CCDC190: variants seen among roughly 807,000 people sequenced by gnomAD.
CCDC190 encodes the protein coiled-coil domain-containing protein 190.
CCDC190 carries 10 observed loss-of-function variants against 13.1 expected under a neutral mutation model. The observed-to-expected ratio is 0.77, with a 90% CI of 0.47 to 1.30. The LOEUF (loss-of-function observed/expected upper bound fraction) is 1.30, where lower values mean the gene tolerates loss of function less well. CCDC190 is among the 50% of genes most tolerant of loss of function. The pLI is 0.00. For synonymous variants in CCDC190, 136 were observed against 127.2 expected, an observed-to-expected ratio of 1.07 and a Z score of -0.47; for missense variants, 375 against 354.3, an observed-to-expected ratio of 1.06 and a Z score of -0.47.
In CCDC190 at chr1:162,859,638, C is replaced by G. The variant is rs374467491; in HGVS notation, c.9G>C (p.Arg3Ser). The G allele has an allele frequency of 1.9e-6, 3 of 1,613,002 alleles. No individual in the cohort carries two copies. Among genetic ancestry groups the G allele is most frequent in the Non-Finnish European group, 2.5e-6 (3 of 1,179,472 alleles). ...TATACAATTGTCCCCTGACCATGTGCCTCTCCATCTTCTTTATGGTCTAGA... is the reference window on the plus strand; with the variant it reads ...TATACAATTGTCCCCTGACCATGTGGCTCTCCATCTTCTTTATGGTCTAGA... MERHMVRGQLYKH... is the reference protein window; with the variant it reads MESHMVRGQLYKH... Residue 3 changes from arginine (R) to serine (S), a missense_variant, in exon 2 of 4, where the codon AGG (arginine) becomes AGC (serine). Physicochemically the swap from Arg to Ser is moderately radical, Grantham distance 110 (BLOSUM62 -1). Coordinates refer to ENST00000367912, the MANE Select transcript of CCDC190 (RefSeq NM_001394065.1).
rs371986435 is a variant in CCDC190 at position 162,859,622 on chromosome 1, G to T, written c.25C>A (p.Gln9Lys). Residue 9 changes from glutamine (Q) to lysine (K), a missense_variant, in exon 2 of 4, where the codon CAA (glutamine) becomes AAA (lysine). By Grantham distance (53) the Gln-to-Lys change is moderately conservative. Transcript: ENST00000367912. MERHMVRG[Q>K]LYKHFDLERK... ...TCCAAATCAAAATGCTTATACAATT[G>T]TCCCCTGACCATGTGCCTCTCCATC... The T allele has an allele frequency of 1.9e-6, 3 of 1,613,606 alleles. No homozygotes were observed. The highest frequency in any genetic ancestry group is 2.7e-5 in the African/African-American group (2 of 74,884).
chr1:162,861,018 A>G lies in CCDC190; in HGVS notation c.-23T>C, dbSNP rs1303010277. ...GCCAGTAGAACTTACCTCCAAATCCAGAGTTTTCACCATGAGACTATGTCT... is the reference window on the plus strand; with the variant it reads ...GCCAGTAGAACTTACCTCCAAATCCGGAGTTTTCACCATGAGACTATGTCT... On this transcript the variant is annotated 5_prime_UTR_variant, in exon 1 of 4. Coordinates refer to ENST00000367912, the MANE Select transcript of CCDC190 (RefSeq NM_001394065.1). 1 of 984,914 alleles carries G rather than the reference A, an allele frequency of 1.0e-6. No homozygotes were observed. Among genetic ancestry groups the G allele is most frequent in the African/African-American group, 1.7e-5 (1 of 57,250 alleles). The allele number at this position is 984,914 out of a possible 1,614,324, so 61.0% of individuals were successfully genotyped here.
intron 2 of CCDC190, among the ~76,000 whole-genome samples, chr1:162,857,989 A>G (rs974900613): frequency 6.6e-6 from 1 of 152,244 alleles, no homozygotes; most frequent in African/African-American, 2.4e-5. Flanking sequence ...AAGGACTGGC[A>G]ACATGCATCT....
chr1:162,866,187 A>C (rs1220261260), intron 1 of CCDC190, among the ~76,000 whole-genome samples: 1 of 152,202 alleles, frequency 6.6e-6, no homozygotes, highest in Non-Finnish European at 1.5e-5. Context: ...TAGGCCAGGC[A>C]TGGTGGCTCA....
chr1:162,854,501 T>C lies in CCDC190; in HGVS notation c.*264A>G. 8.4e-7 allele frequency: 1 copy of C among 1,196,868 alleles called. No homozygotes were observed. Among genetic ancestry groups the C allele is most frequent in the South Asian group, 2.8e-5 (1 of 35,916 alleles). The allele number at this position is 1,196,868 out of a possible 1,614,324, so 74.1% of individuals were successfully genotyped here. Reference sequence around the variant, plus strand: ...GTTACTGTTTTCCCAAGTCCAGTCATCAATATATATTCATATTTTTGATGA... The same window carrying C: ...GTTACTGTTTTCCCAAGTCCAGTCACCAATATATATTCATATTTTTGATGA... On this transcript the variant is annotated 3_prime_UTR_variant, in exon 4 of 4. Coordinates refer to ENST00000367912, the MANE Select transcript of CCDC190 (RefSeq NM_001394065.1).
chr1:162,864,268 C>T (rs1433176252), upstream of CCDC190, among the ~76,000 whole-genome samples: 4 of 152,010 alleles, frequency 2.6e-5, no homozygotes, highest in Middle Eastern at 3.2e-3. Flanking sequence ...GAATTCTGTA[C>T]TCAACAAAAA....
upstream of CCDC190, among the ~76,000 whole-genome samples, chr1:162,865,397 T>G (rs560304664): frequency 1.3e-5 from 2 of 152,162 alleles, no homozygotes; most frequent in Non-Finnish European, 2.9e-5. Flanking sequence ...TTGACCTAAT[T>G]AACATTTATA....
At chr1:162,855,384 T>A (rs1273770573) in intron 3 of CCDC190, 25 bp from the exon 4 acceptor site, 2 of 1,567,860 alleles carry the variant, frequency 1.3e-6, no homozygotes, top group African/African-American at 2.7e-5. Flanking sequence ...AAAAGAAAGA[T>A]CTCTGAAAAC....
rs1650214996 is a variant in CCDC190, at chr1:162,854,511, T to G, written c.*254A>C. On this transcript the variant is annotated 3_prime_UTR_variant, in exon 4 of 4. Coordinates refer to ENST00000367912, the MANE Select transcript of CCDC190 (RefSeq NM_001394065.1). ...TCCCAAGTCCAGTCATCAATATATATTCATATTTTTGATGACATCATAAAC... is the reference window on the plus strand; with the variant it reads ...TCCCAAGTCCAGTCATCAATATATAGTCATATTTTTGATGACATCATAAAC... The G allele has an allele frequency of 8.1e-6, 10 of 1,234,176 alleles. No individual in the cohort carries two copies. In the East Asian group the frequency reaches 3.7e-4, roughly 46 times the overall value. The allele number at this position is 1,234,176 out of a possible 1,614,324, so 76.5% of individuals were successfully genotyped here. A position where few individuals can be genotyped will look rare whatever the true frequency, so the allele number is the denominator to read the frequency against.
At position 162,859,634 on chromosome 1, in the gene CCDC190, T is replaced by C; in HGVS notation, c.13A>G (p.Met5Val). The change falls in exon 2 of 4, where the codon ATG (methionine) becomes GTG (valine). Residue 5 changes from methionine to valine, a missense_variant. By Grantham distance (21) the Met-to-Val change is conservative. Transcript: ENST00000367912. ...TGCTTATACAATTGTCCCCTGACCA[T>C]GTGCCTCTCCATCTTCTTTATGGTC... The part of the protein sequence containing the change: MERH[M>V]VRGQLYKHFD... 6.2e-7 allele frequency: 1 copy of C among 1,613,442 alleles called. No individual in the cohort carries two copies. The highest frequency in any genetic ancestry group is 8.5e-7 in the Non-Finnish European group (1 of 1,179,686).
chr1:162,855,557 G>GA, intron 3 of CCDC190, 75 bp downstream of exon 3: 1 of 1,576,402 alleles, frequency 6.3e-7, no homozygotes, highest in Non-Finnish European at 8.6e-7. Context: ...ATTTCTTCAG[G>GA]AAAACAGTTT....
At chr1:162,867,024 A>G (rs1650732505) in intron 1 of CCDC190, among the ~76,000 whole-genome samples, 1 of 152,130 alleles carries the variant, frequency 6.6e-6, no homozygotes, top group African/African-American at 2.4e-5. Context: ...AAATTTTTGT[A>G]AACTTGAGTT....
rs1253479899 is a variant in CCDC190, at chr1:162,855,307, G to T, written c.364C>A (p.Pro122Thr). The T allele has an allele frequency of 1.2e-6, 2 of 1,613,146 alleles. No homozygotes were observed. The highest frequency in any genetic ancestry group is 1.7e-6 in the Non-Finnish European group (2 of 1,179,828). ...QDTCKSKSQVPPSHDAGLKDP... is the reference protein window; with the variant it reads ...QDTCKSKSQVTPSHDAGLKDP... ...TTGAGGCCAGCATCATGTGAAGGAG[G>T]CACCTGGGACTTGCTTTTGCATGTG... The change falls in exon 4 of 4, where the codon CCT (proline) becomes ACT (threonine). Residue 122 changes from proline to threonine, a missense_variant. By Grantham distance (38) the Pro-to-Thr change is conservative. Coordinates refer to ENST00000367912, the MANE Select transcript of CCDC190 (RefSeq NM_001394065.1).
chr1:162,857,205 T>C lies in CCDC190; in HGVS notation c.188-1450A>G, dbSNP rs543919631. Among the ~76,000 whole-genome samples, 4 of 152,334 alleles carry C rather than the reference T, an allele frequency of 2.6e-5. No homozygotes were observed. The South Asian group carries it at 8.3e-4, about 32-fold the overall frequency. On this transcript the variant is annotated intron_variant, in intron 2 of 3. Coordinates refer to ENST00000367912, the MANE Select transcript of CCDC190 (RefSeq NM_001394065.1). ...TCTTGAGATGCTCATCTTCTCATTT[T>C]CTTCACCTGACCAATGCCCTAGTTT...
chr1:162,859,679 C>G, intron 1 of CCDC190, 21 bp from the exon 2 acceptor site: 1 of 1,576,218 alleles, frequency 6.3e-7, no homozygotes, highest in Non-Finnish European at 8.6e-7. Flanking sequence ...TAAGGTATCA[C>G]AAATAACCTG....
rs937506514 is a variant in CCDC190, at chr1:162,852,824, C to G, written c.*1941G>C. On this transcript the variant is annotated 3_prime_UTR_variant, in exon 4 of 4. Transcript: ENST00000367912. ...GTGAGAGCTAGTACAGTGAAAAGACCCACTTAGCAGTGACAAACCATTCAC... is the reference window on the plus strand; with the variant it reads ...GTGAGAGCTAGTACAGTGAAAAGACGCACTTAGCAGTGACAAACCATTCAC... 2.7e-6 allele frequency: 1 copy of G among 372,492 alleles called. No individual in the cohort carries two copies. Among genetic ancestry groups the G allele is most frequent in the Non-Finnish European group, 4.9e-6 (1 of 202,648 alleles). The allele number at this position is 372,492 out of a possible 1,614,324, so 23.1% of individuals were successfully genotyped here. A position where few individuals can be genotyped will look rare whatever the true frequency, so the allele number is the denominator to read the frequency against.
upstream of CCDC190, among the ~76,000 whole-genome samples, chr1:162,865,533 G>A (rs958676655): frequency 6.6e-6 from 1 of 151,964 alleles, no homozygotes; most frequent in African/African-American, 2.4e-5. Flanking sequence ...AAATAACAGT[G>A]TATTCTGTTT....
intron 2 of CCDC190, among the ~76,000 whole-genome samples, chr1:162,858,889 T>C (rs1650402799): frequency 6.6e-6 from 1 of 152,254 alleles, no homozygotes; most frequent in Non-Finnish European, 1.5e-5. Flanking sequence ...TATGTTTTGG[T>C]ACTATTCCAA....
intron 1 of CCDC190, among the ~76,000 whole-genome samples, chr1:162,868,119 T>G (rs370049032): frequency 5.9e-5 from 9 of 152,286 alleles, no homozygotes; most frequent in Admixed American, 3.9e-4. Context: ...GAAAGTAATT[T>G]TCAGGCAAGT....
Sources: gnomAD v4.1 joint callset for allele counts (sites outside exome capture counted in the v4.1 genomes callset) on GRCh38, gnomAD v4.1.1 for gene constraint, MANE v1.5 for transcripts, NCBI Gene and HGNC (gene_info 2026-07-23, HGNC 2026-07-21) for gene names.